Variants in COL14A1 observed in about 807,000 individuals in gnomAD.
COL14A1 encodes collagen alpha-1(XIV) chain.
COL14A1 carries 136 observed loss-of-function variants against 230.3 expected under a neutral mutation model. That is an observed-to-expected ratio of 0.59 (90% confidence interval 0.51 to 0.68). COL14A1 has a LOEUF of 0.68. Among genes scored for constraint, COL14A1 ranks in the 30% least tolerant of loss-of-function variants. The pLI is 0.00. For synonymous variants in COL14A1, 792 were observed against 784.1 expected, an observed-to-expected ratio of 1.01 and a Z score of -0.17; for missense variants, 1,976 against 2,215.8, an observed-to-expected ratio of 0.89 and a Z score of 2.17.
At chr8:120,157,428 C>A (rs531703268) in intron 2 of COL14A1, among the ~76,000 whole-genome samples, 6 of 152,198 alleles carry the variant, frequency 3.9e-5, no homozygotes, top group African/African-American at 1.4e-4. Context: ...TAAGGACAAA[C>A]AACAGGTCTC....
intron 4 of COL14A1, among the ~76,000 whole-genome samples, chr8:120,164,214 T>G (rs1381019036): frequency 6.6e-6 from 1 of 152,224 alleles, no homozygotes; most frequent in African/African-American, 2.4e-5. Flanking sequence ...AGGGCCAGTC[T>G]TATATCTTCT....
chr8:120,147,956 A>G (rs781469333), intron 2 of COL14A1, 26 bp downstream of exon 2: 4 of 1,492,432 alleles, frequency 2.7e-6, no homozygotes, highest in Non-Finnish European at 2.8e-6. Flanking sequence ...GAGAATCAGT[A>G]GGGTCTGGGA....
chr8:120,210,132 T>C (rs915400023), intron 12 of COL14A1, among the ~76,000 whole-genome samples: 1 of 152,170 alleles, frequency 6.6e-6, no homozygotes, highest in Non-Finnish European at 1.5e-5. Flanking sequence ...AGCCTGCTGT[T>C]TTCATTTTAT....
chr8:120,332,399 G>T (rs1185132800), intron 41 of COL14A1, among the ~76,000 whole-genome samples: 1 of 152,086 alleles, frequency 6.6e-6, no homozygotes, highest in Non-Finnish European at 1.5e-5. Flanking sequence ...GAGCTATTTT[G>T]CCAGAAGATC....
intron 36 of COL14A1, among the ~76,000 whole-genome samples, chr8:120,305,068 T>C (rs1367144869): frequency 6.6e-6 from 1 of 151,690 alleles, no homozygotes; most frequent in Non-Finnish European, 1.5e-5. Context: ...AACCTCTGCC[T>C]CCCAGGTTCA....
At chr8:120,292,551 A>G (rs559118684) in intron 34 of COL14A1, among the ~76,000 whole-genome samples, 2 of 152,276 alleles carry the variant, frequency 1.3e-5, no homozygotes, top group African/African-American at 4.8e-5. Context: ...TTTGAGGGAT[A>G]TTACTTAATC....
At chr8:120,313,572 G>A (rs1821112887) in intron 37 of COL14A1, among the ~76,000 whole-genome samples, 1 of 152,142 alleles carries the variant, frequency 6.6e-6, no homozygotes, top group South Asian at 2.1e-4. Context: ...TCTGGACAGT[G>A]TGAACCTTCC....
At chr8:120,243,729 G>A (rs1185451897) in intron 19 of COL14A1, 150 bp from the exon 20 acceptor site, 33 of 832,780 alleles carry the variant, frequency 4.0e-5, no homozygotes, top group East Asian at 3.7e-4. Flanking sequence ...AGGGAGAAAC[G>A]CTTTTGCATG....
At chr8:120,140,871 A>G (rs575537444) in intron 1 of COL14A1, among the ~76,000 whole-genome samples, 3 of 152,336 alleles carry the variant, frequency 2.0e-5, no homozygotes, top group Admixed American at 2.0e-4. Context: ...GCCTAGTTTT[A>G]TGTTACTGAT....
At chr8:120,208,165 C>T in intron 10 of COL14A1, 67 bp from the exon 11 acceptor site, 2 of 1,469,600 alleles carry the variant, frequency 1.4e-6, no homozygotes, top group Non-Finnish European at 1.8e-6. Context: ...CGTATTTTCG[C>T]TTTTTGATTT....
Position 120,199,547 on chromosome 8 carries a change from T to C in COL14A1, c.858T>C (p.Gly286=). The change falls in exon 8 of 48, where the codon GGT becomes GGC. Residue 286 remains glycine (G), a synonymous_variant. Coordinates refer to ENST00000297848, the MANE Select transcript of COL14A1 (RefSeq NM_021110.4). ...IPPSRNLRES[G]VELFAIGVKN... is the part of the protein sequence containing the mutation. ...CATCTAGAAATCTTCGTGAGTCTGG[T>C]GTAGAACTGTTTGCCATAGGTATGT... 1 of 1,612,414 alleles carries C rather than the reference T, an allele frequency of 6.2e-7. No homozygotes were observed. Among genetic ancestry groups the C allele is most frequent in the Non-Finnish European group, 8.5e-7 (1 of 1,179,382 alleles).
chr8:120,277,754 C>T (rs1250885069), intron 26 of COL14A1: 2 of 154,982 alleles, frequency 1.3e-5, no homozygotes, highest in African/African-American at 4.8e-5. Flanking sequence ...CTAGGGGCTA[C>T]TAGTAGGGGG....
At chr8:120,286,203 C>T (rs1224510553) in intron 33 of COL14A1, among the ~76,000 whole-genome samples, 3 of 151,738 alleles carry the variant, frequency 2.0e-5, no homozygotes, top group Non-Finnish European at 2.9e-5. Flanking sequence ...TAAGGGGGCA[C>T]TTTCCTCTTT....
intron 2 of COL14A1, among the ~76,000 whole-genome samples, chr8:120,148,141 A>AT (rs1815157753): frequency 7.0e-6 from 1 of 143,136 alleles, no homozygotes; most frequent in African/African-American, 2.6e-5. Flanking sequence ...TAAATAGGTC[A>AT]TTCTTTTTTT....
intron 42 of COL14A1, among the ~76,000 whole-genome samples, chr8:120,339,574 C>T (rs1391096262): frequency 6.6e-6 from 1 of 152,166 alleles, no homozygotes; most frequent in African/African-American, 2.4e-5. Flanking sequence ...TTAGTGGCCT[C>T]ATCTTACAAA....
chr8:120,278,263 T>C, intron 27 of COL14A1, 29 bp downstream of exon 27: 6 of 1,573,430 alleles, frequency 3.8e-6, no homozygotes, highest in Non-Finnish European at 2.6e-6. Context: ...CAGCTAAGGC[T>C]CAAAGTAATT....
At chr8:120,195,374 GC>G (rs762042424) in intron 5 of COL14A1, among the ~76,000 whole-genome samples, 31 of 152,092 alleles carry the variant, frequency 2.0e-4, no homozygotes, top group East Asian at 7.7e-4. Flanking sequence ...AGGAAACCCA[GC>G]CCCAAACCCC....
At chr8:120,367,850 CAG>C (rs1435247316) in intron 46 of COL14A1, among the ~76,000 whole-genome samples, 1 of 151,404 alleles carries the variant, frequency 6.6e-6, no homozygotes, top group Non-Finnish European at 1.5e-5. Flanking sequence ...GAGGCTGAAA[CAG>C]AGGATCACAT....
intron 7 of COL14A1, 25 bp downstream of exon 7, chr8:120,197,955 T>C: frequency 6.2e-7 from 1 of 1,609,296 alleles, no homozygotes; most frequent in Non-Finnish European, 8.5e-7. Context: ...ATCCATGTTA[T>C]AACAACATAT....
Sources: gnomAD v4.1 joint callset for allele counts (sites outside exome capture counted in the v4.1 genomes callset) on GRCh38, gnomAD v4.1.1 for gene constraint, MANE v1.5 for transcripts, NCBI Gene and HGNC (gene_info 2026-07-23, HGNC 2026-07-21) for gene names.